The following AMZ1 variants were observed in gnomAD, a reference collection of about 807,000 sequenced individuals.
AMZ1 encodes archaemetzincin-1.
A neutral mutation model predicts 29.9 loss-of-function variants in AMZ1; 39 were observed. That is an observed-to-expected ratio of 1.30 (90% CI 1.01 to 1.70). The LOEUF is 1.70. AMZ1 is among the 40% of genes most tolerant of loss of function. The pLI is 0.00. For synonymous variants in AMZ1, 458 were observed against 304.0 expected (o/e 1.51, Z -5.27); for missense variants, 1,041 against 680.6 (o/e 1.53, Z -5.89).
rs188353218 is a variant in AMZ1 at position 2,698,869 on chromosome 7, G to T, written c.-218-1365G>T. Among the ~76,000 whole-genome samples, 3 of 152,234 alleles carry T rather than the reference G, an allele frequency of 2.0e-5. No homozygotes were observed. In the East Asian group the frequency reaches 5.8e-4, roughly 29 times the overall value. On this transcript the variant is annotated intron_variant, in intron 1 of 6. Coordinates refer to ENST00000683327, the MANE Select transcript of AMZ1 (RefSeq NM_001384743.1). ...AAATCAGGGTTAGTTAGAGAATAGG[G>T]CTGTTCATTCTCCCTGCAAAAACAT...
chr7:2,709,501 AG>A (rs1185515603), intron 5 of AMZ1, 138 bp from the exon 6 acceptor site: 1 of 1,324,862 alleles, frequency 7.5e-7, no homozygotes, highest in Non-Finnish European at 1.0e-6. Context: ...CGCCTGGGGC[AG>A]GGGGAGGGCG....
chr7:2,763,038 C>G (rs551399367), upstream of AMZ1: 7 of 1,250,920 alleles, frequency 5.6e-6, no homozygotes, highest in Admixed American at 8.4e-5. Context: ...CAGGACTCAG[C>G]GTGCCGTTCC....
intron 4 of AMZ1, among the ~76,000 whole-genome samples, chr7:2,737,870 C>G (rs1790288746): frequency 1.3e-5 from 2 of 152,092 alleles, no homozygotes; most frequent in African/African-American, 4.8e-5. Flanking sequence ...GCTAGCCAAA[C>G]AACAGAGAAT....
chr7:2,748,080 C>A (rs1790854874), intron 4 of AMZ1, among the ~76,000 whole-genome samples: 1 of 150,734 alleles, frequency 6.6e-6, no homozygotes, highest in African/African-American at 2.5e-5. Flanking sequence ...AATGGCCATA[C>A]TGCCCAAGGT....
intron 1 of AMZ1, among the ~76,000 whole-genome samples, chr7:2,681,963 G>A (rs1245154734): frequency 5.3e-5 from 8 of 152,202 alleles, no homozygotes; most frequent in Non-Finnish European, 1.0e-4. Flanking sequence ...CCCAAACAGC[G>A]GAGGAGGGGT....
At chr7:2,736,890 C>T (rs894146838) in intron 4 of AMZ1, among the ~76,000 whole-genome samples, 13 of 152,196 alleles carry the variant, frequency 8.5e-5, no homozygotes, top group African/African-American at 3.1e-4. Flanking sequence ...AATTTAGGAC[C>T]ACGAGAAAAG....
In AMZ1 at chr7:2,716,489, C is replaced by T. The variant is rs189335897; in HGVS notation, c.*3611C>T. 8 of 140,704 alleles carry T rather than the reference C, an allele frequency of 5.7e-5. No individual in the cohort carries two copies. The East Asian group carries it at 9.7e-4, about 17-fold the overall frequency. 8.7% of individuals were successfully genotyped at this position (140,704 alleles called of 1,614,324 possible). On this transcript the variant is annotated 3_prime_UTR_variant, in exon 7 of 7. Coordinates refer to ENST00000683327, the MANE Select transcript of AMZ1 (RefSeq NM_001384743.1). The stretch of plus-strand genomic sequence containing the variant: ...TTGCTTCAGACCTTTCCCCGATGAA[C>T]GAAATCTCCAAAAGCCTTAAACATA...
rs545924345 is a variant in AMZ1 at position 2,731,348 on chromosome 7, C to T, written n.550+21532C>T. The T allele has an allele frequency of 6.8e-6, 11 of 1,613,882 alleles. No individual in the cohort carries two copies. In the Middle Eastern group the frequency reaches 4.9e-4, roughly 73 times the overall value. On this transcript the variant is annotated intron_variant and non_coding_transcript_variant, in intron 4 of 4. Transcript: ENST00000489665. The surrounding 1 kb of genome is among the most constrained non-coding windows in gnomAD (Gnocchi z 6.0). ...AAGCACTGGACCAGGTAGCGCTGGA[C>T]GTCCTCCAGCCTGTGCGGGTCGCCC...
At chr7:2,696,749 G>T (rs1278944934) in intron 1 of AMZ1, among the ~76,000 whole-genome samples, 1 of 152,016 alleles carries the variant, frequency 6.6e-6, no homozygotes, top group Non-Finnish European at 1.5e-5. Flanking sequence ...AGCTGGGCAT[G>T]GTGGTGGGTG....
At position 2,712,365 on chromosome 7, in the gene AMZ1, G is replaced by T. The variant is rs145367084; in HGVS notation, c.984G>T (p.Thr328=). Residue 328 remains threonine, a synonymous_variant, in exon 7 of 7, where the codon ACG becomes ACT. Transcript: ENST00000683327. ...LYTWTQAVVG[T]WPSQEAGEPS... The stretch of plus-strand genomic sequence containing the variant: ...CCTGGACTCAGGCGGTGGTGGGGAC[G>T]TGGCCCAGCCAGGAGGCGGGGGAGC... The T allele has an allele frequency of 1.2e-6, 2 of 1,602,848 alleles. No individual in the cohort carries two copies. The highest frequency in any genetic ancestry group is 1.7e-4 in the Middle Eastern group (1 of 5,998).
chr7:2,762,296 C>G (rs547442744), upstream of AMZ1: 1 of 273,870 alleles, frequency 3.7e-6, no homozygotes, highest in Non-Finnish European at 6.8e-6. Flanking sequence ...GCGGGGCCGG[C>G]GTGCACCCAC....
At chr7:2,736,839 C>T (rs1790206570) in intron 4 of AMZ1, among the ~76,000 whole-genome samples, 1 of 152,226 alleles carries the variant, frequency 6.6e-6, no homozygotes, top group East Asian at 1.9e-4. Context: ...GCAAGCTGCC[C>T]CTTCACAGAC....
chr7:2,706,837 C>G (rs928575271), intron 3 of AMZ1, among the ~76,000 whole-genome samples: 2 of 152,232 alleles, frequency 1.3e-5, no homozygotes, highest in Non-Finnish European at 2.9e-5. Context: ...CAATCATCAT[C>G]ACCTCATTAG....
upstream of AMZ1, among the ~76,000 whole-genome samples, chr7:2,761,353 C>T (rs912908112): frequency 2.0e-5 from 3 of 152,336 alleles, no homozygotes; most frequent in East Asian, 5.8e-4. Flanking sequence ...GGGGTGGGCA[C>T]GCAGATGGCA....
downstream of AMZ1, among the ~76,000 whole-genome samples, chr7:2,723,562 T>TGAG (rs1035653493): frequency 2.0e-5 from 3 of 152,100 alleles, no homozygotes; most frequent in Admixed American, 6.5e-5. Flanking sequence ...GCTGTCGGAC[T>TGAG]GAGGAGGAGG....
chr7:2,725,429 C>G (rs1470598398), intron 4 of AMZ1, among the ~76,000 whole-genome samples: 2 of 152,272 alleles, frequency 1.3e-5, no homozygotes, highest in Non-Finnish European at 2.9e-5. Context: ...GATGCCAATA[C>G]TGCAGCCCAG....
At chr7:2,722,332 G>A (rs1467441141), downstream of AMZ1, among the ~76,000 whole-genome samples, 2 of 152,076 alleles carry the variant, frequency 1.3e-5, no homozygotes, top group East Asian at 3.9e-4. Context: ...GAGTGCAGTG[G>A]CGCGATCTCG....
chr7:2,691,867 G>A (rs1457569817), intron 1 of AMZ1, among the ~76,000 whole-genome samples: 1 of 152,106 alleles, frequency 6.6e-6, no homozygotes, highest in Admixed American at 6.6e-5. Flanking sequence ...CTGGAAAGCT[G>A]GGACACAGAC....
At chr7:2,685,180 T>A (rs1335843382), upstream of AMZ1, among the ~76,000 whole-genome samples, 1 of 151,696 alleles carries the variant, frequency 6.6e-6, no homozygotes, top group African/African-American at 2.4e-5. Context: ...GATGCATAAT[T>A]TCCTTTCCGG....
Sources: allele counts gnomAD v4.1 joint callset (sites outside exome capture counted in the v4.1 genomes callset), GRCh38; gene constraint gnomAD v4.1.1; non-coding constraint Gnocchi (gnomAD v3.1); transcripts MANE v1.5; gene names NCBI Gene and HGNC (gene_info 2026-07-23, HGNC 2026-07-21).